REDIC1: variants seen among roughly 807,000 people sequenced by gnomAD.
REDIC1 encodes HEI10 Interacting Protein 1.
At chr12:39,780,358 G>A in the REDIC1 span, among the ~76,000 whole-genome samples, 5 of 152,062 alleles carry the variant, frequency 3.3e-5, no homozygotes, top group African/African-American at 1.2e-4. Context: ...TACTTTTTAT[G>A]GAATTTGAAT....
At chr12:39,804,421 A>G in the REDIC1 span, among the ~76,000 whole-genome samples, 1 of 152,200 alleles carries the variant, frequency 6.6e-6, no homozygotes, top group Non-Finnish European at 1.5e-5. Flanking sequence ...CACAATCATA[A>G]TGGTAAGAGT....
the REDIC1 span, among the ~76,000 whole-genome samples, chr12:39,784,303 C>A: frequency 6.6e-6 from 1 of 152,160 alleles, no homozygotes; most frequent in Non-Finnish European, 1.5e-5. Context: ...CTGGAGGCAT[C>A]ACGCTACCTG....
the REDIC1 span, among the ~76,000 whole-genome samples, chr12:39,782,115 A>G: frequency 6.6e-6 from 1 of 152,244 alleles, no homozygotes; most frequent in Non-Finnish European, 1.5e-5. Context: ...ACATAAAGAC[A>G]AAAATCTTAG....
the REDIC1 span, among the ~76,000 whole-genome samples, chr12:39,627,655 A>T: frequency 6.6e-6 from 1 of 152,188 alleles, no homozygotes; most frequent in Admixed American, 6.5e-5. Flanking sequence ...CAGGGGGTTT[A>T]AGAAACATGG....
At chr12:39,821,133 A>T in the REDIC1 span, among the ~76,000 whole-genome samples, 16 of 152,116 alleles carry the variant, frequency 1.1e-4, no homozygotes, top group African/African-American at 3.4e-4. Flanking sequence ...CTCAAAAAAA[A>T]TTTTTCGCAG....
the REDIC1 span, among the ~76,000 whole-genome samples, chr12:39,734,269 T>C: frequency 6.6e-6 from 1 of 152,174 alleles, no homozygotes; most frequent in Admixed American, 6.5e-5. Flanking sequence ...TAGGATGAGC[T>C]GGGTACCTCA....
At chr12:39,680,783 C>CAG in the REDIC1 span, among the ~76,000 whole-genome samples, 6 of 151,624 alleles carry the variant, frequency 4.0e-5, no homozygotes, top group South Asian at 1.3e-3. Context: ...CACACACACA[C>CAG]ACACTCTCTC....
the REDIC1 span, among the ~76,000 whole-genome samples, chr12:39,712,205 C>CCT: frequency 1.4e-3 from 15 of 10,748 alleles, no homozygotes; most frequent in Non-Finnish European, 2.4e-3. Flanking sequence ...TACATATATA[C>CCT]ATATGTATAT....
chr12:39,825,712 T>A, the REDIC1 span, among the ~76,000 whole-genome samples: 1 of 152,128 alleles, frequency 6.6e-6, no homozygotes, highest in Non-Finnish European at 1.5e-5. Context: ...CTCTCTCTTC[T>A]TGATTAGTAT....
At chr12:39,747,515 C>T in the REDIC1 span, among the ~76,000 whole-genome samples, 2 of 152,156 alleles carry the variant, frequency 1.3e-5, no homozygotes, top group Non-Finnish European at 2.9e-5. Flanking sequence ...GGATATTATC[C>T]AGAAGAACTT....
At chr12:39,794,773 T>G in the REDIC1 span, among the ~76,000 whole-genome samples, 1 of 152,194 alleles carries the variant, frequency 6.6e-6, no homozygotes, top group Admixed American at 6.5e-5. Context: ...TTGCTCAATT[T>G]GCGAATCATT....
chr12:39,679,280 C>T, the REDIC1 span, among the ~76,000 whole-genome samples: 1 of 152,078 alleles, frequency 6.6e-6, no homozygotes, highest in African/African-American at 2.4e-5. Context: ...CCAAAAAGCT[C>T]CTAGATCTGA....
the REDIC1 span, among the ~76,000 whole-genome samples, chr12:39,883,736 G>T: frequency 6.6e-6 from 1 of 152,216 alleles, no homozygotes; most frequent in South Asian, 2.1e-4. Context: ...CAACATTTTA[G>T]AGCTTGGTCA....
the REDIC1 span, among the ~76,000 whole-genome samples, chr12:39,695,700 C>G: frequency 6.6e-6 from 1 of 152,186 alleles, no homozygotes; most frequent in Non-Finnish European, 1.5e-5. Flanking sequence ...GGGAAGGACA[C>G]AGGCCTGGCT....
the REDIC1 span, among the ~76,000 whole-genome samples, chr12:39,898,065 G>T: frequency 6.4e-4 from 98 of 152,034 alleles, no homozygotes; most frequent in Non-Finnish European, 1.2e-3. Flanking sequence ...TATTGAGGAG[G>T]CTTTAGCAAA....
chr12:39,647,817 T>C, the REDIC1 span: 2 of 1,596,714 alleles, frequency 1.3e-6, no homozygotes, highest in Non-Finnish European at 8.5e-7. Flanking sequence ...TCATATAGTA[T>C]GCTTCACCCT....
chr12:39,732,321 A>G, the REDIC1 span, among the ~76,000 whole-genome samples: 1 of 152,032 alleles, frequency 6.6e-6, no homozygotes, highest in Non-Finnish European at 1.5e-5. Flanking sequence ...CATCCTGTAT[A>G]TTTCCTACAA....
the REDIC1 span, among the ~76,000 whole-genome samples, chr12:39,860,293 T>A: frequency 6.6e-6 from 1 of 152,204 alleles, no homozygotes; most frequent in African/African-American, 2.4e-5. Flanking sequence ...CATGAATAGC[T>A]TATGATTCTA....
the REDIC1 span, among the ~76,000 whole-genome samples, chr12:39,900,757 T>A: frequency 6.6e-6 from 1 of 152,146 alleles, no homozygotes; most frequent in African/African-American, 2.4e-5. Flanking sequence ...AAAATGGCCA[T>A]ACTGCCCAAG....
Sources: gnomAD v4.1 joint callset for allele counts (sites outside exome capture counted in the v4.1 genomes callset) on GRCh38, gnomAD v4.1.1 for gene constraint, MANE v1.5 for transcripts, NCBI Gene and HGNC (gene_info 2026-07-23, HGNC 2026-07-21) for gene names.